Variants in HIPK2 observed in about 807,000 individuals in gnomAD.
HIPK2 encodes homeodomain-interacting protein kinase 2.
Under a neutral mutation model 113.7 loss-of-function variants are expected in HIPK2, and 27 were observed. The observed-to-expected ratio is 0.24, with a 90% confidence interval of 0.17 to 0.33. The LOEUF (loss-of-function observed/expected upper bound fraction) is 0.33, where lower values mean the gene tolerates loss of function less well. Ranked by LOEUF, HIPK2 falls within the 10% of genes least tolerant of loss-of-function variation. HIPK2 has a pLI of 1.00. For missense variants in HIPK2, 1,257 were observed against 1,588.0 expected (o/e 0.79, Z 3.54); for synonymous variants, 631 against 642.2 (o/e 0.98, Z 0.26).
chr7:139,720,063 T>A (rs1267942233), intron 1 of HIPK2, among the ~76,000 whole-genome samples: 1 of 152,248 alleles, frequency 6.6e-6, no homozygotes, highest in Non-Finnish European at 1.5e-5. Context: ...TCTACTAACC[T>A]TCCTGGGTCC....
At chr7:139,603,990 A>G in intron 10 of HIPK2, 91 bp downstream of exon 10, 1 of 1,549,866 alleles carries the variant, frequency 6.5e-7, no homozygotes, top group South Asian at 1.1e-5. Flanking sequence ...GGGGAATTGA[A>G]GTACAGGCCA....
At chr7:139,685,079 A>T (rs1196168889) in intron 2 of HIPK2, among the ~76,000 whole-genome samples, 1 of 152,248 alleles carries the variant, frequency 6.6e-6, no homozygotes, top group Non-Finnish European at 1.5e-5. Context: ...TAAAAATGCA[A>T]AGGGAAGCAG....
intron 7 of HIPK2, 42 bp downstream of exon 7, chr7:139,620,359 C>T: frequency 5.0e-6 from 8 of 1,609,734 alleles, no homozygotes; most frequent in Middle Eastern, 1.7e-4. Context: ...GAGGCTCACA[C>T]TGTGCAGCCC....
intron 2 of HIPK2, among the ~76,000 whole-genome samples, chr7:139,635,280 A>C (rs1226528308): frequency 6.6e-6 from 1 of 152,184 alleles, no homozygotes; most frequent in African/African-American, 2.4e-5. Flanking sequence ...TTTGACACTC[A>C]AGTAAGTCTT....
chr7:139,763,477 C>G (rs1422153435), intron 1 of HIPK2, among the ~76,000 whole-genome samples: 7 of 124,460 alleles, frequency 5.6e-5, no homozygotes, highest in African/African-American at 1.5e-4. Context: ...AACACGCCCC[C>G]CCCCCCACAC....
chr7:139,759,591 TAAAA>T (rs937823893), intron 1 of HIPK2, among the ~76,000 whole-genome samples: 9 of 152,214 alleles, frequency 5.9e-5, no homozygotes, highest in African/African-American at 2.2e-4. Flanking sequence ...TCTAAGGTTA[TAAAA>T]AAGACTGAAG....
intron 1 of HIPK2, among the ~76,000 whole-genome samples, chr7:139,735,471 A>T (rs190822523): frequency 2.6e-5 from 4 of 152,358 alleles, no homozygotes; most frequent in Admixed American, 2.6e-4. Context: ...TGCTAGGCTG[A>T]GGACTGTAGA....
chr7:139,770,155 G>A (rs1419915206), intron 1 of HIPK2, among the ~76,000 whole-genome samples: 1 of 152,182 alleles, frequency 6.6e-6, no homozygotes. Flanking sequence ...TTTCAAAAAC[G>A]TACATGCTGG....
intron 7 of HIPK2, among the ~76,000 whole-genome samples, chr7:139,615,057 C>T (rs1799988852): frequency 6.6e-6 from 1 of 152,242 alleles, no homozygotes; most frequent in African/African-American, 2.4e-5. Flanking sequence ...TCTGCTCACA[C>T]TCCCCTCGGG....
intron 1 of HIPK2, among the ~76,000 whole-genome samples, chr7:139,718,979 C>T (rs1305468752): frequency 6.6e-6 from 1 of 152,168 alleles, no homozygotes; most frequent in African/African-American, 2.4e-5. Context: ...ATCCAATGGC[C>T]TTGTTTCAGC....
chr7:139,594,543 T>C (rs899678378), intron 12 of HIPK2, among the ~76,000 whole-genome samples: 5 of 152,188 alleles, frequency 3.3e-5, no homozygotes, highest in African/African-American at 1.2e-4. Flanking sequence ...CAGCTACTGG[T>C]TTCTGTTTTA....
intron 2 of HIPK2, among the ~76,000 whole-genome samples, chr7:139,711,867 C>T (rs1008935716): frequency 6.6e-6 from 1 of 152,366 alleles, no homozygotes. Context: ...CAACTCTGTT[C>T]TTTTGGGTGT....
rs1796528528 is a variant in HIPK2, at chr7:139,764,953, T to C, written c.19+12652A>G. 2.0e-5 allele frequency among the ~76,000 whole-genome samples: 3 copies of C among 152,180 alleles called. No individual in the cohort carries two copies. The South Asian group carries it at 6.2e-4, about 32-fold the overall frequency. On this transcript the variant is annotated intron_variant, in intron 1 of 14. Transcript: ENST00000406875. ...GAATTTGAGACCAGCCTGGCCAACA[T>C]GGTGAAAGGCTGTCTCTACTAAAAA...
intron 9 of HIPK2, among the ~76,000 whole-genome samples, chr7:139,610,011 C>A (rs545301676): frequency 1.4e-4 from 21 of 152,270 alleles, no homozygotes; most frequent in Admixed American, 4.6e-4. Context: ...TCCTTACACA[C>A]GTATTTTTTG....
intron 6 of HIPK2, among the ~76,000 whole-genome samples, chr7:139,621,946 TAAAAGA>T (rs1239758586): frequency 7.0e-6 from 1 of 142,860 alleles, no homozygotes; most frequent in Non-Finnish European, 1.5e-5. Flanking sequence ...AAAAAAAAAT[TAAAAGA>T]AAAAGAAAAA....
chr7:139,646,054 T>C (rs1801208019), intron 2 of HIPK2, among the ~76,000 whole-genome samples: 1 of 152,180 alleles, frequency 6.6e-6, no homozygotes, highest in Admixed American at 6.5e-5. Flanking sequence ...TGCCTTCTTG[T>C]GTTTGGGTCA....
At position 139,631,378 on chromosome 7, in the gene HIPK2, G is replaced by A. The variant is rs1025326726; in HGVS notation, c.1228-94C>T. 6.1e-6 allele frequency: 9 copies of A among 1,477,098 alleles called. No homozygotes were observed. In the African/African-American group the frequency reaches 8.6e-5, roughly 14 times the overall value. The allele number at this position is 1,477,098 out of a possible 1,614,324, so 91.5% of individuals were successfully genotyped here. A position where few individuals can be genotyped will look rare whatever the true frequency, so the allele number is the denominator to read the frequency against. ...TGCTGGCTTTGAGAAAAATGAAAATGACAATTTTTGTAGGGAAAGAAGTTA... is the reference window on the plus strand; with the variant it reads ...TGCTGGCTTTGAGAAAAATGAAAATAACAATTTTTGTAGGGAAAGAAGTTA... On this transcript the variant is annotated intron_variant, in intron 3 of 14. Transcript: ENST00000406875. This position sits in a 1 kb window ranked among gnomAD's most constrained non-coding sequence, Gnocchi z 4.9.
At position 139,630,644 on chromosome 7, in the gene HIPK2, C is replaced by T. The variant is rs755575176; in HGVS notation, c.1347+521G>A. On this transcript the variant is annotated intron_variant, in intron 4 of 14. Transcript: ENST00000406875. This position sits in a 1 kb window ranked among gnomAD's most constrained non-coding sequence, Gnocchi z 4.0. ...AATTCATGACCTCAAGTGATCCACCCGCCTCAGCCTCCCGAAGTGCTGGGA... is the reference window on the plus strand; with the variant it reads ...AATTCATGACCTCAAGTGATCCACCTGCCTCAGCCTCCCGAAGTGCTGGGA... Among the ~76,000 whole-genome samples the T allele has an allele frequency of 7.9e-5, 12 of 152,178 alleles. No individual in the cohort carries two copies. The highest frequency in any genetic ancestry group is 1.2e-4 in the African/African-American group (5 of 41,442).
In HIPK2 at chr7:139,777,740, CA is replaced by C; in HGVS notation, c.-118del. Reference sequence around the variant, plus strand: ...TGAGCCTGTGTCTCCGCTCTCGGCGCAGCCGAGGCCGCCCGCGCCCGCATCA... The same window carrying C: ...TGAGCCTGTGTCTCCGCTCTCGGCGCGCCGAGGCCGCCCGCGCCCGCATCA... On this transcript the variant is annotated 5_prime_UTR_variant, in exon 1 of 15. An upstream open reading frame in the 5' UTR gains an earlier in-frame stop. Transcript: ENST00000406875. 4 of 957,774 alleles carry C rather than the reference CA, an allele frequency of 4.2e-6. No individual in the cohort carries two copies. The highest frequency in any genetic ancestry group is 1.8e-5 in the African/African-American group (1 of 56,296). The allele number at this position is 957,774 out of a possible 1,614,324, so 59.3% of individuals were successfully genotyped here.
Sources: gnomAD v4.1 joint callset for allele counts (sites outside exome capture counted in the v4.1 genomes callset) on GRCh38, gnomAD v4.1.1 for gene constraint, Gnocchi (gnomAD v3.1) non-coding constraint, MANE v1.5 for transcripts, NCBI Gene and HGNC (gene_info 2026-07-23, HGNC 2026-07-21) for gene names.